The following CPNE4 variants were observed in gnomAD, a reference collection of about 807,000 sequenced individuals.
The protein encoded by CPNE4 is copine 4, also known as copine-4.
Under a neutral mutation model 67.9 loss-of-function variants are expected in CPNE4, and 25 were observed. The ratio of observed to expected loss-of-function variants is 0.37; its 90% confidence interval spans 0.27 to 0.51. The LOEUF (loss-of-function observed/expected upper bound fraction) is 0.51, where lower values mean the gene tolerates loss of function less well. Among genes scored for constraint, CPNE4 ranks in the 20% least tolerant of loss-of-function variants. The pLI, the probability that CPNE4 is intolerant of heterozygous loss-of-function variation, is 0.93. For synonymous variants in CPNE4, 242 were observed against 244.9 expected (o/e 0.99, Z 0.11); for missense variants, 464 against 690.8 (o/e 0.67, Z 3.68).
intron 2 of CPNE4, among the ~76,000 whole-genome samples, chr3:131,768,398 T>C (rs566627424): frequency 1.1e-4 from 16 of 152,272 alleles, no homozygotes; most frequent in Non-Finnish European, 2.1e-4. Flanking sequence ...AATCTATCCA[T>C]TGGGACAGAA....
chr3:131,993,280 G>A (rs1421802640), intron 1 of CPNE4, among the ~76,000 whole-genome samples: 1 of 134,936 alleles, frequency 7.4e-6, no homozygotes, highest in Non-Finnish European at 1.7e-5. Flanking sequence ...GCTATGTGAA[G>A]TTAAGTAGAT....
Position 131,851,001 on chromosome 3 carries a change from G to C in CPNE4, c.180+54263C>G, listed in dbSNP as rs985808193. Among the ~76,000 whole-genome samples the C allele has an allele frequency of 3.3e-5, 5 of 152,000 alleles. No individual in the cohort carries two copies. In the South Asian group the frequency reaches 1.0e-3, roughly 32 times the overall value. ...CCACTTCTCCCGCACTTGTGTACAA[G>C]ACAACATAAGAACCTTCACTGCAGA... On this transcript the variant is annotated intron_variant, in intron 2 of 15. Transcript: ENST00000429747.
chr3:131,709,767 G>T (rs1479125), intron 3 of CPNE4, among the ~76,000 whole-genome samples: 42,498 of 152,102 alleles, frequency 0.28, 6,216 homozygotes, highest in Non-Finnish European at 0.31. Context: ...TGAGATAATT[G>T]GTACGAAGCT....
intron 2 of CPNE4, among the ~76,000 whole-genome samples, chr3:131,760,785 C>A (rs1185256121): frequency 1.3e-5 from 2 of 152,090 alleles, no homozygotes; most frequent in Non-Finnish European, 2.9e-5. Context: ...TTTAAAAGGG[C>A]AATTTGGAAA....
chr3:131,815,328 T>A (rs1002598136), intron 2 of CPNE4, among the ~76,000 whole-genome samples: 1 of 152,068 alleles, frequency 6.6e-6, no homozygotes, highest in Non-Finnish European at 1.5e-5. Flanking sequence ...GGAAAAAAAA[T>A]TCTTTGGATA....
intron 1 of CPNE4, among the ~76,000 whole-genome samples, chr3:131,915,393 T>C (rs1396652904): frequency 1.3e-5 from 2 of 152,192 alleles, no homozygotes; most frequent in African/African-American, 4.8e-5. Flanking sequence ...AGTCACTCTA[T>C]ATGTAATGGT....
At chr3:131,891,981 T>C (rs1442377526) in intron 2 of CPNE4, among the ~76,000 whole-genome samples, 1 of 152,036 alleles carries the variant, frequency 6.6e-6, no homozygotes, top group Admixed American at 6.6e-5. Context: ...ACCATGGGAA[T>C]GGCAAAAAAT....
chr3:131,758,951 C>T (rs2082822335), intron 2 of CPNE4, among the ~76,000 whole-genome samples: 1 of 152,104 alleles, frequency 6.6e-6, no homozygotes. Flanking sequence ...ACTGTAAGTC[C>T]AATTGAACCT....
chr3:131,577,982 G>A (rs1476333579), intron 9 of CPNE4, among the ~76,000 whole-genome samples: 2 of 152,010 alleles, frequency 1.3e-5, no homozygotes, highest in East Asian at 1.9e-4. Flanking sequence ...CCCTTCATAA[G>A]TTCAAAAAAT....
intron 1 of CPNE4, among the ~76,000 whole-genome samples, chr3:131,960,120 T>TGGAGAGGGAGGGA (rs6148070): frequency 0.46 from 67,306 of 147,076 alleles, 15,736 homozygotes; most frequent in African/African-American, 0.52. Context: ...AGAGAAAGAG[T>TGGAGAGGGAGGGA]GGAGAGGGAG....
At chr3:131,650,015 T>C (rs1229094158) in intron 7 of CPNE4, among the ~76,000 whole-genome samples, 1 of 152,168 alleles carries the variant, frequency 6.6e-6, no homozygotes, top group Non-Finnish European at 1.5e-5. Context: ...GCAGAATTTG[T>C]GGCTGTACTA....
intron 9 of CPNE4, among the ~76,000 whole-genome samples, chr3:131,579,368 T>C (rs1368343265): frequency 2.6e-5 from 4 of 152,234 alleles, no homozygotes; most frequent in African/African-American, 4.8e-5. Context: ...CTGATGGAGA[T>C]GTGCAAGGGG....
chr3:131,576,316 A>G (rs547036925), intron 9 of CPNE4, among the ~76,000 whole-genome samples: 9 of 152,254 alleles, frequency 5.9e-5, no homozygotes, highest in African/African-American at 2.2e-4. Flanking sequence ...ACACTGTGCT[A>G]CTGTGTCTGC....
intron 2 of CPNE4, among the ~76,000 whole-genome samples, chr3:131,736,609 C>A (rs1194409949): frequency 1.3e-5 from 1 of 79,210 alleles, no homozygotes. Flanking sequence ...GCAAGACTGT[C>A]TCAAAAAAAA....
intron 14 of CPNE4, among the ~76,000 whole-genome samples, chr3:131,549,740 C>T (rs1936068900): frequency 6.6e-6 from 1 of 152,122 alleles, no homozygotes; most frequent in South Asian, 2.1e-4. Context: ...TGTGTCATCT[C>T]TTAGCCTCAC....
chr3:131,943,733 C>T (rs1009420306), intron 1 of CPNE4, among the ~76,000 whole-genome samples: 1 of 152,056 alleles, frequency 6.6e-6, no homozygotes, highest in African/African-American at 2.4e-5. Context: ...AACATGACCT[C>T]GTATCTCCCC....
intron 2 of CPNE4, among the ~76,000 whole-genome samples, chr3:131,866,493 C>A (rs927835404): frequency 6.6e-6 from 1 of 152,114 alleles, no homozygotes; most frequent in African/African-American, 2.4e-5. Context: ...TTCAGGAATC[C>A]CCTGCTCAGG....
At chr3:131,855,192 C>G (rs985949821) in intron 2 of CPNE4, among the ~76,000 whole-genome samples, 2 of 151,942 alleles carry the variant, frequency 1.3e-5, no homozygotes, top group African/African-American at 4.8e-5. Context: ...CTTGTTAGGT[C>G]TCTCTCCTTT....
chr3:131,605,981 G>A (rs1939479016), intron 7 of CPNE4, among the ~76,000 whole-genome samples: 1 of 152,102 alleles, frequency 6.6e-6, no homozygotes, highest in African/African-American at 2.4e-5. Context: ...GGTAATCATT[G>A]TTTCTTCTAG....
Sources: gnomAD v4.1 joint callset for allele counts (sites outside exome capture counted in the v4.1 genomes callset) on GRCh38, gnomAD v4.1.1 for gene constraint, MANE v1.5 for transcripts, NCBI Gene and HGNC (gene_info 2026-07-23, HGNC 2026-07-21) for gene names.